The following ARMCX4 variants were observed in gnomAD, a reference collection of about 807,000 sequenced individuals.
The protein encoded by ARMCX4 is armadillo repeat-containing X-linked protein 4.
Under a neutral mutation model 34.7 loss-of-function variants are expected in ARMCX4, and 3 were observed. The ratio of observed to expected loss-of-function variants is 0.09; its 90% CI spans 0.04 to 0.22. ARMCX4 has a LOEUF of 0.22. Ranked by LOEUF, ARMCX4 falls within the 10% of genes least tolerant of loss-of-function variation. The pLI is 1.00. For missense variants in ARMCX4, 1,448 were observed against 1,720.8 expected, an observed-to-expected ratio of 0.84 and a Z score of 2.81; for synonymous variants, 513 against 632.8, an observed-to-expected ratio of 0.81 and a Z score of 2.84.
chrX:101,483,712 A>T (rs1933571149), upstream of ARMCX4, among the ~76,000 whole-genome samples: 1 of 110,864 alleles, frequency 9.0e-6, no homozygotes, highest in African/African-American at 3.3e-5. Context: ...ACTTTACCAA[A>T]GTTTAAAATT....
At chrX:101,522,880 G>A (rs1180392846) in intron 11 of ARMCX4, among the ~76,000 whole-genome samples, 2 of 112,180 alleles carry the variant, frequency 1.8e-5, no homozygotes, top group African/African-American at 6.5e-5. Flanking sequence ...AGTTAGATAG[G>A]AGAAAAGACA....
intron 2 of ARMCX4, among the ~76,000 whole-genome samples, chrX:101,437,254 G>A (rs187841120): frequency 1.8e-5 from 2 of 111,834 alleles, no homozygotes; most frequent in African/African-American, 3.2e-5. Context: ...GGCAGAATTT[G>A]GCTGTGAATC....
intron 4 of ARMCX4, among the ~76,000 whole-genome samples, chrX:101,475,533 G>T (rs1556004086): frequency 9.0e-6 from 1 of 111,401 alleles, no homozygotes; most frequent in African/African-American, 3.3e-5. Flanking sequence ...AAAAACAAAT[G>T]GCATAAATAA....
rs1934116223 is a variant in ARMCX4 at position 101,494,164 on chromosome X, A to G, written c.5575A>G (p.Thr1859Ala). 2 of 1,027,265 alleles carry G rather than the reference A, an allele frequency of 1.9e-6. No individual in the cohort carries two copies. The highest frequency in any genetic ancestry group is 3.3e-5 in the Admixed American group (1 of 29,931). The allele number at this position is 1,027,265 out of a possible 1,213,427, so 84.7% of individuals were successfully genotyped here. The part of the protein sequence containing the change: ...AGIWSWDGDA[T>A]TVESRLGAGE... ...GATTTGGTCCTGGGATGGAGATGCA[A>G]CCACTGTAGAGTCTAGGCTTGGGGC... Residue 1859 changes from threonine (T) to alanine (A), a missense_variant, in exon 6 of 6, where the codon ACC becomes GCC. By Grantham distance (58) the Thr-to-Ala change is moderately conservative. Transcript: ENST00000423738.
intron 4 of ARMCX4, among the ~76,000 whole-genome samples, chrX:101,453,168 T>C (rs1932085319): frequency 1.8e-5 from 2 of 111,394 alleles, no homozygotes; most frequent in Non-Finnish European, 3.8e-5. Flanking sequence ...ATGGTGTGCT[T>C]TCAAGATTTA....
At chrX:101,486,814 C>G (rs781828315) in intron 2 of ARMCX4, among the ~76,000 whole-genome samples, 26 of 109,919 alleles carry the variant, frequency 2.4e-4, no homozygotes, top group Middle Eastern at 4.6e-3. Flanking sequence ...GTAGTTCCTG[C>G]TACTTGGGAG....
At chrX:101,472,475 C>T (rs1309275362) in intron 4 of ARMCX4, among the ~76,000 whole-genome samples, 5 of 83,499 alleles carry the variant, frequency 6.0e-5, no homozygotes, top group East Asian at 3.9e-4. Context: ...AGACACTCCT[C>T]GAGAAGAGCA....
chrX:101,512,832 A>G (rs1481291451), intron 11 of ARMCX4, among the ~76,000 whole-genome samples: 13 of 87,738 alleles, frequency 1.5e-4, no homozygotes, highest in South Asian at 5.5e-4. Context: ...ATATACACAT[A>G]TATATATGTG....
intron 11 of ARMCX4, among the ~76,000 whole-genome samples, chrX:101,522,425 C>T (rs944675904): frequency 8.9e-6 from 1 of 111,765 alleles, no homozygotes; most frequent in Non-Finnish European, 1.9e-5. Context: ...TTGGATCACA[C>T]GTTTTAAATT....
At chrX:101,426,980 A>G (rs941156850) in intron 2 of ARMCX4, among the ~76,000 whole-genome samples, 1 of 112,486 alleles carries the variant, frequency 8.9e-6, no homozygotes, top group Admixed American at 9.5e-5. Flanking sequence ...GAAACTCTCT[A>G]GCTGCATTCT....
At chrX:101,518,597 C>T (rs1199064766) in intron 11 of ARMCX4, among the ~76,000 whole-genome samples, 1 of 111,172 alleles carries the variant, frequency 9.0e-6, no homozygotes, top group Non-Finnish European at 1.9e-5. Flanking sequence ...GAAGTAATCA[C>T]AATTAACATG....
downstream of ARMCX4, among the ~76,000 whole-genome samples, chrX:101,450,263 T>A (rs1931905255): frequency 8.9e-6 from 1 of 112,366 alleles, no homozygotes; most frequent in Non-Finnish European, 1.9e-5. Flanking sequence ...GGCTCTACAA[T>A]CAATAGGTGG....
At chrX:101,462,595 G>A (rs1341680997) in intron 4 of ARMCX4, among the ~76,000 whole-genome samples, 1 of 100,533 alleles carries the variant, frequency 9.9e-6, no homozygotes, top group East Asian at 3.2e-4. Context: ...AGCCGAGATT[G>A]CACCACTGCA....
rs1934009555 is a variant in ARMCX4 at position 101,492,305 on chromosome X, G to C, written c.3716G>C (p.Gly1239Ala). Residue 1239 changes from glycine (G) to alanine (A), a missense_variant, in exon 6 of 6, where the codon GGT becomes GCT. Gly to Ala is a moderately conservative substitution (Grantham distance 60). Coordinates refer to ENST00000423738, the MANE Select transcript of ARMCX4 (RefSeq NM_001256155.3). ...GCCATTGGAGAGCTTTGGGCTGCGGGTCAGGCCAGTGATGGGTCCTGGCCT... is the reference window on the plus strand; with the variant it reads ...GCCATTGGAGAGCTTTGGGCTGCGGCTCAGGCCAGTGATGGGTCCTGGCCT... Reference protein sequence around the residue: ...NQAIGELWAAGQASDGSWPGG... With the variant: ...NQAIGELWAAAQASDGSWPGG... 8.8e-7 allele frequency: 1 copy of C among 1,142,759 alleles called. No homozygotes were observed. Among genetic ancestry groups the C allele is most frequent in the Admixed American group, 2.7e-5 (1 of 37,458 alleles). The allele number at this position is 1,142,759 out of a possible 1,213,427, so 94.2% of individuals were successfully genotyped here. A position where few individuals can be genotyped will look rare whatever the true frequency, so the allele number is the denominator to read the frequency against.
At chrX:101,535,804 A>G (rs1350874472), downstream of ARMCX4, among the ~76,000 whole-genome samples, 1 of 112,110 alleles carries the variant, frequency 8.9e-6, no homozygotes, top group Non-Finnish European at 1.9e-5. Context: ...TTACTTTTTA[A>G]GTCCCTTTTC....
At position 101,516,321 on chromosome X, in the gene ARMCX4, G is replaced by T. The variant is rs1352724208; in HGVS notation, c.*1780+5266G>T. On this transcript the variant is annotated intron_variant and NMD_transcript_variant, in intron 11 of 12. Coordinates refer to the ARMCX4 transcript ENST00000354842. ...TTTATAAACAGCGGATTTCTAAAAA[G>T]TGGGCCCCTCTTTTCTCCCCACTAA... Among the ~76,000 whole-genome samples the T allele has an allele frequency of 3.6e-5, 4 of 111,513 alleles. No individual in the cohort carries two copies. The Admixed American group carries it at 3.8e-4, about 11-fold the overall frequency.
chrX:101,449,280 C>T (rs1199366930), downstream of ARMCX4, among the ~76,000 whole-genome samples: 4 of 112,319 alleles, frequency 3.6e-5, no homozygotes, highest in African/African-American at 9.7e-5. Flanking sequence ...CTGTTATTAT[C>T]CCTTTGAATA....
chrX:101,420,810 C>T (rs1363761153), intron 2 of ARMCX4, among the ~76,000 whole-genome samples: 2 of 112,349 alleles, frequency 1.8e-5, no homozygotes, highest in African/African-American at 6.5e-5. Context: ...GCATGCAGGG[C>T]CTTACAAGCC....
At chrX:101,464,742 G>A (rs782625999) in intron 4 of ARMCX4, among the ~76,000 whole-genome samples, 1 of 111,657 alleles carries the variant, frequency 9.0e-6, no homozygotes, top group Non-Finnish European at 1.9e-5. Flanking sequence ...GAAATGATGC[G>A]TATATATGGG....
Sources: allele counts gnomAD v4.1 joint callset (sites outside exome capture counted in the v4.1 genomes callset), GRCh38; gene constraint gnomAD v4.1.1; transcripts MANE v1.5; gene names NCBI Gene and HGNC (gene_info 2026-07-23, HGNC 2026-07-21).